Variants in ZBTB20 observed in about 807,000 individuals in gnomAD.
ZBTB20 encodes the protein zinc finger and BTB domain containing 20.
A neutral mutation model predicts 56.9 loss-of-function variants in ZBTB20; 9 were observed. The observed-to-expected ratio is 0.16, with a 90% confidence interval of 0.10 to 0.28. ZBTB20 has a LOEUF of 0.28. Ranked by LOEUF, ZBTB20 falls within the 10% of genes least tolerant of loss-of-function variation. ZBTB20 has a pLI of 1.00. For missense variants in ZBTB20, 655 were observed against 1,003.0 expected, an observed-to-expected ratio of 0.65 and a Z score of 4.69; for synonymous variants, 417 against 420.7, an observed-to-expected ratio of 0.99 and a Z score of 0.11.
intron 5 of ZBTB20, among the ~76,000 whole-genome samples, chr3:114,727,374 T>C (rs539865215): frequency 7.9e-5 from 12 of 152,336 alleles, no homozygotes; most frequent in African/African-American, 2.6e-4. Context: ...GCCTGCCCCT[T>C]AATCCACAAA....
At chr3:115,020,909 A>G (rs1214964587) in intron 2 of ZBTB20, among the ~76,000 whole-genome samples, 1 of 150,962 alleles carries the variant, frequency 6.6e-6, no homozygotes, top group Non-Finnish European at 1.5e-5. Context: ...TAATACCACT[A>G]TGAGGCAGAA....
chr3:114,466,009 T>C (rs944187824), intron 7 of ZBTB20, among the ~76,000 whole-genome samples: 1 of 152,030 alleles, frequency 6.6e-6, no homozygotes, highest in African/African-American at 2.4e-5. Context: ...CATTATGTTT[T>C]AAGCATATAT....
intron 6 of ZBTB20, among the ~76,000 whole-genome samples, chr3:114,665,148 A>G (rs1317168083): frequency 6.6e-6 from 1 of 152,074 alleles, no homozygotes; most frequent in African/African-American, 2.4e-5. Context: ...AATGAACCAC[A>G]TATATCTATA....
At chr3:114,518,539 T>C (rs1464189059) in intron 6 of ZBTB20, 10 of 152,250 alleles carry the variant, frequency 6.6e-5, no homozygotes, top group African/African-American at 2.2e-4. Context: ...TTTGCTGTTA[T>C]GCTGTGTGGA....
chr3:115,048,512 T>C (rs1220319723), intron 2 of ZBTB20, among the ~76,000 whole-genome samples: 2 of 152,196 alleles, frequency 1.3e-5, no homozygotes, highest in African/African-American at 2.4e-5. Flanking sequence ...ATCATAATAA[T>C]ATCTCAACAG....
chr3:114,978,610 C>G (rs1546391), intron 2 of ZBTB20, among the ~76,000 whole-genome samples: 11,702 of 151,508 alleles, frequency 0.077, 553 homozygotes, highest in Admixed American at 0.16. Flanking sequence ...AATATAAATA[C>G]AGACTATGCA....
intron 2 of ZBTB20, among the ~76,000 whole-genome samples, chr3:115,002,036 T>C (rs1013539969): frequency 6.6e-6 from 1 of 151,430 alleles, no homozygotes; most frequent in Non-Finnish European, 1.5e-5. Context: ...TTTGCAAACA[T>C]ACAACTTAGA....
At chr3:114,803,964 CT>C (rs2071909627) in intron 4 of ZBTB20, among the ~76,000 whole-genome samples, 1 of 151,854 alleles carries the variant, frequency 6.6e-6, no homozygotes, top group South Asian at 2.1e-4. Context: ...CAGTGTCAGA[CT>C]TCTTTAATTG....
chr3:114,606,344 C>T (rs1279863538), intron 6 of ZBTB20, among the ~76,000 whole-genome samples: 3 of 152,136 alleles, frequency 2.0e-5, no homozygotes, highest in Non-Finnish European at 4.4e-5. Flanking sequence ...AAAAGCAGCA[C>T]CTCTCCTGCT....
intron 7 of ZBTB20, among the ~76,000 whole-genome samples, chr3:114,492,493 TAACC>T (rs1405394374): frequency 6.6e-6 from 1 of 152,174 alleles, no homozygotes; most frequent in Non-Finnish European, 1.5e-5. Context: ...TTATTTCACA[TAACC>T]AACCATGAAA....
At position 114,335,728 on chromosome 3, in the gene ZBTB20, C is replaced by A. The variant is rs1462734761; in HGVS notation, c.*3277G>T. On this transcript the variant is annotated 3_prime_UTR_variant, in exon 12 of 12. Coordinates refer to ENST00000675478, the MANE Select transcript of ZBTB20 (RefSeq NM_001348800.3). ...GGAATATGTCTACTGCTATGCAAAC[C>A]TGGCTGGTCCATTTTGTCATGGACT... 1 of 152,156 alleles carries A rather than the reference C, an allele frequency of 6.6e-6. No homozygotes were observed. The highest frequency in any genetic ancestry group is 6.5e-5 in the Admixed American group (1 of 15,274). The allele number at this position is 152,156 out of a possible 1,614,324, so 9.4% of individuals were successfully genotyped here.
At chr3:114,803,826 C>T (rs1578941246) in intron 4 of ZBTB20, among the ~76,000 whole-genome samples, 4 of 77,254 alleles carry the variant, frequency 5.2e-5, no homozygotes, top group African/African-American at 1.1e-4. Flanking sequence ...ACACTGAACC[C>T]ACCTTTAAAA....
At chr3:115,115,888 T>C (rs972840817) in intron 1 of ZBTB20, among the ~76,000 whole-genome samples, 8 of 152,056 alleles carry the variant, frequency 5.3e-5, no homozygotes, top group African/African-American at 1.7e-4. Flanking sequence ...TGACATTCTT[T>C]TTCAATGACA....
In ZBTB20 at chr3:114,989,781, G is replaced by A. The variant is rs376257307; in HGVS notation, c.-506-15365C>T. ...TTTGTGTCCTCTTTTATTTCGTTGA[G>A]CAGTGGTTTGTAGTTGTCCTTGAAG... On this transcript the variant is annotated intron_variant, in intron 2 of 11. Transcript: ENST00000675478. 2.7e-3 allele frequency among the ~76,000 whole-genome samples: 405 copies of A among 152,210 alleles called. 1 individual carries two copies. Among genetic ancestry groups the A allele is most frequent in the South Asian group, 0.015 (74 of 4,822 alleles).
intron 1 of ZBTB20, among the ~76,000 whole-genome samples, chr3:115,107,628 C>T (rs1459859629): frequency 6.6e-6 from 1 of 152,168 alleles, no homozygotes; most frequent in East Asian, 1.9e-4. Context: ...TCTGACCCCA[C>T]AATCCCATTA....
At chr3:114,609,309 A>G (rs963644072) in intron 6 of ZBTB20, among the ~76,000 whole-genome samples, 7 of 152,216 alleles carry the variant, frequency 4.6e-5, no homozygotes, top group South Asian at 2.1e-4. Context: ...GGTCTATGCC[A>G]TCTTACAAGC....
intron 10 of ZBTB20, among the ~76,000 whole-genome samples, chr3:114,379,511 C>T (rs1238744008): frequency 6.6e-6 from 1 of 152,154 alleles, no homozygotes; most frequent in African/African-American, 2.4e-5. Flanking sequence ...AAGTGACTCC[C>T]AGATTAGTGG....
chr3:114,987,099 C>T (rs935230384), intron 2 of ZBTB20, among the ~76,000 whole-genome samples: 9 of 152,056 alleles, frequency 5.9e-5, no homozygotes, highest in African/African-American at 1.4e-4. Flanking sequence ...GCATGTCATA[C>T]AACCATGATT....
chr3:114,366,137 G>A (rs902320379), intron 10 of ZBTB20, among the ~76,000 whole-genome samples: 1 of 152,128 alleles, frequency 6.6e-6, no homozygotes, highest in Non-Finnish European at 1.5e-5. Context: ...ACAAGATTCC[G>A]CCCTCCTGAA....
Sources: allele counts gnomAD v4.1 joint callset (sites outside exome capture counted in the v4.1 genomes callset), GRCh38; gene constraint gnomAD v4.1.1; transcripts MANE v1.5; gene names NCBI Gene and HGNC (gene_info 2026-07-23, HGNC 2026-07-21).